The following ZNF605 variants were observed in gnomAD, a reference collection of about 807,000 sequenced individuals.
ZNF605 encodes the protein zinc finger protein 605.
In ZNF605, 9 loss-of-function variants were observed where a neutral mutation model predicts 7.9. The observed-to-expected ratio is 1.14, with a 90% CI of 0.68 to 1.98. The LOEUF is 1.98. Ranked by LOEUF, ZNF605 falls within the 30% of genes most tolerant of loss-of-function variation. The probability of loss-of-function intolerance (pLI) is 0.00; values close to 1 mark genes in which losing one functional copy is unlikely to be tolerated. For synonymous variants in ZNF605, 255 were observed against 260.1 expected, an observed-to-expected ratio of 0.98 and a Z score of 0.19; for missense variants, 673 against 762.4, an observed-to-expected ratio of 0.88 and a Z score of 1.38.
intron 4 of ZNF605, chr12:132,932,609 A>G (rs1252217891): frequency 1.4e-6 from 1 of 721,418 alleles, no homozygotes; most frequent in Non-Finnish European, 2.2e-6. Flanking sequence ...AGATTCAGGA[A>G]CTTTAAACAC....
chr12:132,945,382 G>A (rs1214532586), intron 3 of ZNF605: 1 of 1,442,972 alleles, frequency 6.9e-7, no homozygotes. Flanking sequence ...AGAGATTTCT[G>A]TAAGCCTCAT....
rs1353363006 is a variant in ZNF605, at chr12:132,939,736, G to A, written c.15+5885C>T. On this transcript the variant is annotated intron_variant, in intron 3 of 4. Transcript: ENST00000360187. ...CTCGGGTCCTCTTCCACACTGTGCAGGCTTTGTTCTTTCGCTCTTTGCAAT... is the reference window on the plus strand; with the variant it reads ...CTCGGGTCCTCTTCCACACTGTGCAAGCTTTGTTCTTTCGCTCTTTGCAAT... 1.6e-4 allele frequency among the ~76,000 whole-genome samples: 25 copies of A among 152,234 alleles called. No homozygotes were observed. The Middle Eastern group carries it at 0.01, about 62-fold the overall frequency.
chr12:132,943,916 G>A (rs961319001), intron 3 of ZNF605, among the ~76,000 whole-genome samples: 1 of 152,160 alleles, frequency 6.6e-6, no homozygotes, highest in Non-Finnish European at 1.5e-5. Flanking sequence ...GATGTTTACG[G>A]TTAAGGGAAC....
rs1266227732 is a variant in ZNF605, at chr12:132,926,126, C to T, written c.1173G>A (p.Lys391=). ...IKHQITHTGE[K]NYRCSDCEEA... is the part of the protein sequence containing the mutation. ...CCTCACAATCACTGCATCGATAGTT[C>T]TTCTCTCCTGTGTGAGTTATCTGAT... The change falls in exon 5 of 5, where the codon AAG becomes AAA. Residue 391 remains lysine (K), a synonymous_variant. Transcript: ENST00000360187. 1.2e-6 allele frequency: 2 copies of T among 1,614,064 alleles called. No homozygotes were observed. Among genetic ancestry groups the T allele is most frequent in the South Asian group, 1.1e-5 (1 of 91,074 alleles).
intron 3 of ZNF605, among the ~76,000 whole-genome samples, chr12:132,937,359 C>CAAA (rs56281488): frequency 2.3e-4 from 20 of 86,750 alleles, no homozygotes; most frequent in African/African-American, 4.5e-4. Context: ...AACTCTGTCT[C>CAAA]AAAAAAAAAA....
At chr12:132,948,346 A>G (rs1186948912) in intron 1 of ZNF605, 76 bp from the exon 2 acceptor site, 2 of 152,240 alleles carry the variant, frequency 1.3e-5, no homozygotes, top group Admixed American at 1.3e-4. Flanking sequence ...CTCACGTAGC[A>G]ATCCTGCCAA....
chr12:132,938,244 T>G (rs1023142518), intron 3 of ZNF605, among the ~76,000 whole-genome samples: 63 of 152,268 alleles, frequency 4.1e-4, no homozygotes, highest in Admixed American at 7.9e-4. Context: ...CCTCCCAAAG[T>G]GCTGGGATTA....
Position 132,926,100 on chromosome 12 carries a change from T to G in ZNF605, c.1199A>C (p.Glu400Ala). 6.2e-7 allele frequency: 1 copy of G among 1,614,234 alleles called. No individual in the cohort carries two copies. The highest frequency in any genetic ancestry group is 1.1e-5 in the South Asian group (1 of 91,090). Reference sequence around the variant, plus strand: ...TAACTCTGACTTCTTAAAGAAGGCCTCCTCACAATCACTGCATCGATAGTT... The same window carrying G: ...TAACTCTGACTTCTTAAAGAAGGCCGCCTCACAATCACTGCATCGATAGTT... ...EKNYRCSDCE[E>A]AFFKKSELIR... The change falls in exon 5 of 5, where the codon GAG (glutamate) becomes GCG (alanine). Residue 400 changes from glutamate to alanine, a missense_variant. Physicochemically the swap from Glu to Ala is moderately radical, Grantham distance 107. Coordinates refer to ENST00000360187, the MANE Select transcript of ZNF605 (RefSeq NM_183238.4).
At chr12:132,935,478 T>C (rs1235657456) in intron 3 of ZNF605, among the ~76,000 whole-genome samples, 3 of 152,076 alleles carry the variant, frequency 2.0e-5, no homozygotes, top group Non-Finnish European at 4.4e-5. Context: ...GGGCCATGCA[T>C]TCAGGCATCC....
rs918924100 is a variant in ZNF605, at chr12:132,924,172, T to A, written c.*1201A>T. The A allele has an allele frequency of 6.6e-6, 1 of 152,228 alleles. No individual in the cohort carries two copies. Among genetic ancestry groups the A allele is most frequent in the Admixed American group, 6.5e-5 (1 of 15,282 alleles). 9.4% of individuals were successfully genotyped at this position (152,228 alleles called of 1,614,324 possible). On this transcript the variant is annotated 3_prime_UTR_variant, in exon 5 of 5. Coordinates refer to ENST00000360187, the MANE Select transcript of ZNF605 (RefSeq NM_183238.4). The stretch of plus-strand genomic sequence containing the variant: ...TACTGATTTTTCTCCTGGTTATAAG[T>A]CATATTTTATTGCTTCTTTGCATAA...
Position 132,926,826 on chromosome 12 carries a change from A to C in ZNF605, c.473T>G (p.Leu158Arg). Reference protein sequence around the residue: ...CRKSSNEEPWLTANHITHTGV... With the variant: ...CRKSSNEEPWRTANHITHTGV... ...TGTGTGTGTTATGTGATTAGCAGTG[A>C]GCCATGGCTCTTCGTTGCTGGATTT... The change falls in exon 5 of 5, where the codon CTC becomes CGC. Residue 158 changes from leucine (L) to arginine (R), a missense_variant. Coordinates refer to ENST00000360187, the MANE Select transcript of ZNF605 (RefSeq NM_183238.4). The C allele has an allele frequency of 6.2e-7, 1 of 1,614,224 alleles. No homozygotes were observed. The highest frequency in any genetic ancestry group is 1.1e-5 in the South Asian group (1 of 91,082).
At chr12:132,927,196 A>G in intron 4 of ZNF605, 34 bp from the exon 5 acceptor site, 1 of 1,434,928 alleles carries the variant, frequency 7.0e-7, no homozygotes, top group Non-Finnish European at 9.2e-7. Flanking sequence ...ATACTGTGTA[A>G]TTCCTTCAAT....
chr12:132,938,785 C>T (rs1354418578), intron 3 of ZNF605, among the ~76,000 whole-genome samples: 5 of 151,900 alleles, frequency 3.3e-5, no homozygotes, highest in African/African-American at 4.8e-5. Flanking sequence ...GGGCTGTGTG[C>T]GGCGCTTGCG....
chr12:132,950,340 TCACCCCACACA>T lies in ZNF605; in HGVS notation c.-285-2081_-285-2071del, dbSNP rs1952543797. ...TGCTCTCACATTCACACCGAAACTC[TCACCCCACACA>T]CACTGATCTACAAGTACACGCACAC... On this transcript the variant is annotated intron_variant, in intron 1 of 4. Coordinates refer to ENST00000360187, the MANE Select transcript of ZNF605 (RefSeq NM_183238.4). 3.9e-5 allele frequency among the ~76,000 whole-genome samples: 6 copies of T among 152,000 alleles called. No individual in the cohort carries two copies. The South Asian group carries it at 1.2e-3, about 32-fold the overall frequency.
In ZNF605 at chr12:132,922,981, A is replaced by G; in HGVS notation, c.*2392T>C. On this transcript the variant is annotated 3_prime_UTR_variant, in exon 5 of 5. Transcript: ENST00000360187. The stretch of plus-strand genomic sequence containing the variant: ...CAGAAAATGGGGGAAAAGGGATCAA[A>G]GAAATAGGGAATACTCAGCACACAT... The G allele has an allele frequency of 6.6e-6, 1 of 152,476 alleles. No individual in the cohort carries two copies. The highest frequency in any genetic ancestry group is 1.5e-5 in the Non-Finnish European group (1 of 68,156). 9.4% of individuals were successfully genotyped at this position (152,476 alleles called of 1,614,324 possible). A position where few individuals can be genotyped will look rare whatever the true frequency, so the allele number is the denominator to read the frequency against.
In ZNF605 at chr12:132,926,248, G is replaced by A; in HGVS notation, c.1051C>T (p.Leu351Phe). The A allele has an allele frequency of 6.2e-7, 1 of 1,614,150 alleles. No individual in the cohort carries two copies. The highest frequency in any genetic ancestry group is 8.5e-7 in the Non-Finnish European group (1 of 1,180,020). Residue 351 changes from leucine (L) to phenylalanine (F), a missense_variant, in exon 5 of 5, where the codon CTT becomes TTT. By Grantham distance (22) the Leu-to-Phe change is conservative (BLOSUM62 0). Coordinates refer to ENST00000360187, the MANE Select transcript of ZNF605 (RefSeq NM_183238.4). ...ECQKAFSRNS[L>F]LIRHQRIHTG... ...TGAATCCTCTGATGCCTAATGAGAAGTGAGTTCCTGCTGAAGGCTTTTTGA... is the reference window on the plus strand; with the variant it reads ...TGAATCCTCTGATGCCTAATGAGAAATGAGTTCCTGCTGAAGGCTTTTTGA...
Position 132,926,955 on chromosome 12 carries a change from C to A in ZNF605, c.344G>T (p.Cys115Phe), listed in dbSNP as rs1952253751. The A allele has an allele frequency of 6.2e-7, 1 of 1,610,864 alleles. No individual in the cohort carries two copies. The highest frequency in any genetic ancestry group is 1.7e-5 in the Admixed American group (1 of 59,382). The change falls in exon 5 of 5, where the codon TGT becomes TTT. Residue 115 changes from cysteine to phenylalanine, a missense_variant. Cys to Phe is a radical substitution (Grantham distance 205). Transcript: ENST00000360187. ...PFDLLIPKNN[C>F]ERKKIDELNK... ...GAGTTCATCAATTTTCTTTCTTTCA[C>A]AATTATTTTTTGGAATAAGCAAATC...
At position 132,925,552 on chromosome 12, in the gene ZNF605, G is replaced by GA. The variant is rs1179044983; in HGVS notation, c.1746dup (p.His583SerfsTer8). 59 of 1,614,132 alleles carry GA rather than the reference G, an allele frequency of 3.7e-5. No homozygotes were observed. Among genetic ancestry groups the GA allele is most frequent in the Non-Finnish European group, 5.0e-5 (59 of 1,180,022 alleles). The stretch of plus-strand genomic sequence containing the variant: ...CATTTATATGGTCTCTCTCCTGTAT[G>GA]AATTCTCTGATGTATAATCAGCTGT... On this transcript the variant is annotated frameshift_variant, in exon 5 of 5. Coordinates refer to ENST00000360187, the MANE Select transcript of ZNF605 (RefSeq NM_183238.4). LOFTEE classifies it low-confidence loss of function (END_TRUNC).
chr12:132,944,836 CA>C, intron 3 of ZNF605: 1 of 153,578 alleles, frequency 6.5e-6, no homozygotes. Flanking sequence ...TTTGCTTCTC[CA>C]GAGTAATTTG....
Sources: gnomAD v4.1 joint callset for allele counts (sites outside exome capture counted in the v4.1 genomes callset) on GRCh38, gnomAD v4.1.1 for gene constraint, MANE v1.5 for transcripts, NCBI Gene and HGNC (gene_info 2026-07-23, HGNC 2026-07-21) for gene names.